The following PLA2G4E variants were observed in gnomAD, a reference collection of about 807,000 sequenced individuals.
PLA2G4E encodes the protein cytosolic phospholipase A2 epsilon.
A neutral mutation model predicts 109.1 loss-of-function variants in PLA2G4E; 84 were observed. That is an observed-to-expected ratio of 0.77 (90% CI 0.65 to 0.92). The LOEUF (loss-of-function observed/expected upper bound fraction) is 0.92. PLA2G4E is among the 40% of genes least tolerant of loss of function. The pLI, the probability that PLA2G4E is intolerant of heterozygous loss-of-function variation, is 0.00. For synonymous variants in PLA2G4E, 469 were observed against 436.1 expected, an observed-to-expected ratio of 1.08 and a Z score of -0.94; for missense variants, 1,057 against 1,076.6, an observed-to-expected ratio of 0.98 and a Z score of 0.25.
At chr15:42,004,963 C>T (rs2068460091) in exon 5 of PLA2G4E, 4 of 1,613,184 alleles carry the variant, frequency 2.5e-6, no homozygotes, top group Non-Finnish European at 2.5e-6. Context: ...AACTCCACCT[C>T]CAGCTCTTCC....
chr15:41,995,328 G>A (rs536352968), intron 12 of PLA2G4E, 32 bp downstream of exon 12: 1 of 1,602,350 alleles, frequency 6.2e-7, no homozygotes, highest in Non-Finnish European at 8.5e-7. Context: ...GCTTGCCCTG[G>A]GCTCCACAGA....
chr15:41,985,999 A>G (rs1462668279), exon 18 of PLA2G4E: 2 of 1,591,720 alleles, frequency 1.3e-6, no homozygotes, highest in Middle Eastern at 1.7e-4. Flanking sequence ...ACCATCTAGC[A>G]CTGTGTCTGA....
At chr15:41,996,410 C>A (rs2068342188) in intron 11 of PLA2G4E, among the ~76,000 whole-genome samples, 1 of 144,230 alleles carries the variant, frequency 6.9e-6, no homozygotes, top group Non-Finnish European at 1.5e-5. Context: ...TGTCAAGACT[C>A]ATTCTGTCTG....
At chr15:42,000,521 T>A (rs1008350017) in intron 7 of PLA2G4E, among the ~76,000 whole-genome samples, 1 of 152,202 alleles carries the variant, frequency 6.6e-6, no homozygotes, top group Non-Finnish European at 1.5e-5. Context: ...TTTGAGATGC[T>A]GAGAAGGTCC....
At chr15:42,003,498 G>A (rs2068441719) in intron 5 of PLA2G4E, among the ~76,000 whole-genome samples, 1 of 152,198 alleles carries the variant, frequency 6.6e-6, no homozygotes, top group Non-Finnish European at 1.5e-5. Flanking sequence ...GTTTCATTTT[G>A]CAAGCCACTT....
chr15:42,045,802 CT>C (rs1313615697), intron 1 of PLA2G4E, among the ~76,000 whole-genome samples: 3 of 152,192 alleles, frequency 2.0e-5, no homozygotes, highest in African/African-American at 7.2e-5. Context: ...CTACATTCTG[CT>C]TTATGATTTC....
rs769343409 is a variant in PLA2G4E, at chr15:42,006,165, T to C, written c.394-44A>G. 5.0e-6 allele frequency: 8 copies of C among 1,609,034 alleles called. No individual in the cohort carries two copies. The African/African-American group carries it at 5.3e-5, about 11-fold the overall frequency. On this transcript the variant is annotated intron_variant, in intron 3 of 19. Transcript: ENST00000399518. ...TGCCAGTCTGGTTACCACGGTTGCA[T>C]TGACCCCTTCCCAGAACAAGGGGCT...
intron 1 of PLA2G4E, among the ~76,000 whole-genome samples, chr15:42,025,604 G>A (rs1012081699): frequency 6.6e-6 from 1 of 152,160 alleles, no homozygotes; most frequent in African/African-American, 2.4e-5. Context: ...TGCAGGCGAA[G>A]TTTGGCAGTT....
Position 41,983,935 on chromosome 15 carries a change from AC to A in PLA2G4E, c.2425del (p.Val809TrpfsTer15). 6.2e-7 allele frequency: 1 copy of A among 1,612,274 alleles called. No homozygotes were observed. Among genetic ancestry groups the A allele is most frequent in the Non-Finnish European group, 8.5e-7 (1 of 1,179,258 alleles). On this transcript the variant is annotated frameshift_variant, in exon 20 of 20. Transcript: ENST00000399518. LOFTEE classifies it high-confidence loss of function. ...GGGAGTTTTGGGACCATAAATGTCC[AC>A]CTGGCCCTGCTCCAGCTCCTCAGGG...
At chr15:41,984,918 C>A (rs1418632453) in intron 18 of PLA2G4E, among the ~76,000 whole-genome samples, 2 of 152,246 alleles carry the variant, frequency 1.3e-5, no homozygotes, top group Non-Finnish European at 2.9e-5. Context: ...GGAAGGGCGA[C>A]TGGAACCAGG....
chr15:42,004,330 G>GA (rs201899535), intron 5 of PLA2G4E, among the ~76,000 whole-genome samples: 2,175 of 148,174 alleles, frequency 0.015, 54 homozygotes, highest in African/African-American at 0.051. Context: ...GGAAAGAAAG[G>GA]AAAGAAAGGG....
At chr15:42,022,105 G>T (rs907080080) in intron 1 of PLA2G4E, among the ~76,000 whole-genome samples, 2 of 151,612 alleles carry the variant, frequency 1.3e-5, no homozygotes, top group Non-Finnish European at 2.9e-5. Context: ...CATGTACCTA[G>T]TAAGCATCTG....
At chr15:41,990,322 G>A (rs1003404154) in intron 13 of PLA2G4E, 87 bp from the exon 14 acceptor site, 138 of 1,190,574 alleles carry the variant, frequency 1.2e-4, no homozygotes, top group East Asian at 1.1e-3. Flanking sequence ...CTGGACCCCC[G>A]CAGCCACTTC....
At chr15:42,044,977 G>A (rs1221327097) in intron 1 of PLA2G4E, among the ~76,000 whole-genome samples, 1 of 152,028 alleles carries the variant, frequency 6.6e-6, no homozygotes, top group Non-Finnish European at 1.5e-5. Context: ...GAACCTACAC[G>A]GCATGGTGAT....
At chr15:42,005,868 C>A (rs1181794894) in intron 4 of PLA2G4E, 122 bp downstream of exon 4, 2 of 1,220,758 alleles carry the variant, frequency 1.6e-6, no homozygotes, top group African/African-American at 1.5e-5. Flanking sequence ...ACCAGCAGCA[C>A]CATCTTTTCT....
chr15:42,049,034 G>A (rs550073314), intron 1 of PLA2G4E, among the ~76,000 whole-genome samples: 100 of 152,294 alleles, frequency 6.6e-4, no homozygotes, highest in African/African-American at 2.1e-3. Flanking sequence ...CCCCTCCAGC[G>A]TATCAACAGC....
rs79040960 is a variant in PLA2G4E at position 41,997,258 on chromosome 15, G to A, written c.976C>T (p.Pro326Ser). 3.2e-6 allele frequency: 5 copies of A among 1,543,642 alleles called. No individual in the cohort carries two copies. The Admixed American group carries it at 9.9e-5, about 31-fold the overall frequency. ...CCCAGCCGCACGTCCAGTGTCTCAG[G>A]GCTGGAGGGAGAGAGGACCCTGTAT... Residue 326 changes from proline to serine, a missense_variant and splice_region_variant, in exon 11 of 20, where the codon CCT becomes TCT. Coordinates refer to ENST00000399518, the Ensembl canonical transcript of PLA2G4E.
intron 2 of PLA2G4E, chr15:42,010,139 C>T (rs547803435): frequency 1.3e-5 from 6 of 476,704 alleles, no homozygotes; most frequent in Non-Finnish European, 2.1e-5. Context: ...CTGGCCCCCC[C>T]ACCCCGGGCC....
chr15:42,013,803 A>C, intron 1 of PLA2G4E, 46 bp from the exon 2 acceptor site: 1 of 1,481,426 alleles, frequency 6.8e-7, no homozygotes, highest in Non-Finnish European at 9.1e-7. Flanking sequence ...GCATTACTCC[A>C]AGGCCATTGC....
Sources: allele counts gnomAD v4.1 joint callset (sites outside exome capture counted in the v4.1 genomes callset), GRCh38; gene constraint gnomAD v4.1.1; transcripts MANE v1.5; gene names NCBI Gene and HGNC (gene_info 2026-07-23, HGNC 2026-07-21).